Variants in RFC1 observed in about 807,000 individuals in gnomAD.
The protein encoded by RFC1 is A1 140 kDa subunit.
In RFC1, 37 loss-of-function variants were observed where a neutral mutation model predicts 137.4. That is an observed-to-expected ratio of 0.27 (90% CI 0.21 to 0.35). The LOEUF (loss-of-function observed/expected upper bound fraction) is 0.35, where lower values mean the gene tolerates loss of function less well. Ranked by LOEUF, RFC1 falls within the 10% of genes least tolerant of loss-of-function variation. The probability of loss-of-function intolerance (pLI) is 1.00; values close to 1 mark genes in which losing one functional copy is unlikely to be tolerated. For missense variants in RFC1, 1,205 were observed against 1,358.5 expected (o/e 0.89, Z 1.78); for synonymous variants, 429 against 455.7 (o/e 0.94, Z 0.75).
At chr4:39,305,895 CAG>C (rs1240028550) in intron 14 of RFC1, among the ~76,000 whole-genome samples, 6 of 152,040 alleles carry the variant, frequency 3.9e-5, no homozygotes, top group African/African-American at 1.2e-4. Flanking sequence ...ACAGTGGAAA[CAG>C]ATAAAATTTT....
At chr4:39,319,441 A>G (rs890235163) in intron 9 of RFC1, among the ~76,000 whole-genome samples, 1 of 152,222 alleles carries the variant, frequency 6.6e-6, no homozygotes, top group Non-Finnish European at 1.5e-5. Context: ...ATAAAAATAA[A>G]TATCTCACAG....
chr4:39,316,635 A>G (rs1578130964), intron 10 of RFC1, among the ~76,000 whole-genome samples: 2 of 152,192 alleles, frequency 1.3e-5, no homozygotes, highest in South Asian at 2.1e-4. Context: ...TCTTTAGGCT[A>G]TAAGTGCCAT....
At chr4:39,350,318 GA>G (rs1185564025) in intron 2 of RFC1, among the ~76,000 whole-genome samples, 2 of 151,934 alleles carry the variant, frequency 1.3e-5, no homozygotes, top group Admixed American at 6.6e-5. Flanking sequence ...GAATGAGGCA[GA>G]AAAAATATTT....
intron 15 of RFC1, 145 bp from the exon 16 acceptor site, chr4:39,303,296 A>AAT: frequency 1.2e-5 from 7 of 587,640 alleles, no homozygotes; most frequent in East Asian, 5.6e-5. Flanking sequence ...AGTGTTGTTA[A>AAT]AGAAAAAAAA....
At chr4:39,328,886 A>G (rs556805680) in intron 4 of RFC1, among the ~76,000 whole-genome samples, 1 of 152,182 alleles carries the variant, frequency 6.6e-6, no homozygotes, top group African/African-American at 2.4e-5. Flanking sequence ...CTGTGGTGGT[A>G]TTTGCAGAGG....
At chr4:39,322,347 G>A (rs1739560742) in intron 7 of RFC1, 1 of 152,064 alleles carries the variant, frequency 6.6e-6, no homozygotes, top group Non-Finnish European at 1.5e-5. Flanking sequence ...AGTCAAGGTT[G>A]CAGTGAGCTG....
chr4:39,340,700 T>C (rs1740569397), intron 4 of RFC1, among the ~76,000 whole-genome samples: 1 of 152,196 alleles, frequency 6.6e-6, no homozygotes, highest in Non-Finnish European at 1.5e-5. Context: ...CTCATTCTCT[T>C]GTATGAAGGA....
intron 1 of RFC1, among the ~76,000 whole-genome samples, chr4:39,353,608 T>C (rs565887635): frequency 3.7e-4 from 57 of 152,180 alleles, no homozygotes; most frequent in African/African-American, 1.3e-3. Context: ...ACCACAGTCT[T>C]TCCTATAATT....
At chr4:39,305,816 G>A (rs900590902) in intron 14 of RFC1, among the ~76,000 whole-genome samples, 1 of 152,070 alleles carries the variant, frequency 6.6e-6, no homozygotes, top group African/African-American at 2.4e-5. Context: ...GAGAGAAAAA[G>A]AGTTGTGTTC....
chr4:39,305,123 CAT>C (rs1738573495), intron 14 of RFC1, among the ~76,000 whole-genome samples, 195 bp from the exon 15 acceptor site: 1 of 152,156 alleles, frequency 6.6e-6, no homozygotes. Context: ...TTTAGAATAT[CAT>C]ATACATACAT....
At chr4:39,365,045 C>T (rs1741951749) in intron 1 of RFC1, among the ~76,000 whole-genome samples, 1 of 148,976 alleles carries the variant, frequency 6.7e-6, no homozygotes, top group Non-Finnish European at 1.5e-5. Context: ...GTCAGAAACA[C>T]CAAGATTCTA....
intron 14 of RFC1, among the ~76,000 whole-genome samples, chr4:39,305,708 T>A (rs1738606673): frequency 6.6e-6 from 1 of 152,178 alleles, no homozygotes; most frequent in African/African-American, 2.4e-5. Context: ...ATAAACTATT[T>A]TCCTCTGAAA....
intron 11 of RFC1, 64 bp from the exon 12 acceptor site, chr4:39,311,613 A>G: frequency 1.3e-6 from 1 of 777,974 alleles, no homozygotes; most frequent in Admixed American, 3.6e-5. Flanking sequence ...CTTCTCTTAC[A>G]AAAAAAAAAA....
intron 22 of RFC1, among the ~76,000 whole-genome samples, chr4:39,294,870 G>A (rs927747710): frequency 6.6e-6 from 1 of 152,104 alleles, no homozygotes; most frequent in South Asian, 2.1e-4. Context: ...CGGACACGGT[G>A]GCGTGCGCCT....
At chr4:39,309,911 A>G (rs1018360905) in intron 12 of RFC1, among the ~76,000 whole-genome samples, 2 of 152,250 alleles carry the variant, frequency 1.3e-5, no homozygotes, top group Non-Finnish European at 2.9e-5. Flanking sequence ...GGATATAAGC[A>G]TAAGTACCTC....
intron 4 of RFC1, among the ~76,000 whole-genome samples, chr4:39,340,520 A>G (rs1740560902): frequency 6.6e-6 from 1 of 152,216 alleles, no homozygotes; most frequent in African/African-American, 2.4e-5. Flanking sequence ...TTATGACCCA[A>G]TATTGAAAAG....
intron 23 of RFC1, among the ~76,000 whole-genome samples, chr4:39,290,831 T>C (rs1006634908): frequency 4.7e-5 from 7 of 149,262 alleles, no homozygotes; most frequent in African/African-American, 1.5e-4. Flanking sequence ...AAAAAAAGGT[T>C]GGGGGAGCTC....
Position 39,302,846 on chromosome 4 carries a change from T to C in RFC1, c.2231A>G (p.Lys744Arg), listed in dbSNP as rs1280310569. ...ATTGCACATACAAATAATGGGAATT[T>C]TAGTATGTTTTATCAGGCCAATTAA... The part of the protein sequence containing the change: ...QELIGLIKHT[K>R]IPIICMCNDR... The change falls in exon 17 of 25, where the codon AAA (lysine) becomes AGA (arginine). Residue 744 changes from lysine to arginine, a missense_variant. Around this residue, in one of 3 missense-constraint regions of RFC1, gnomAD observed 962 missense variants for 1,035.3 expected, o/e 0.93. Transcript: ENST00000349703. The C allele has an allele frequency of 6.3e-7, 1 of 1,589,846 alleles. No homozygotes were observed. Among genetic ancestry groups the C allele is most frequent in the African/African-American group, 1.4e-5 (1 of 73,520 alleles).
At chr4:39,338,956 T>C (rs1247592519) in intron 4 of RFC1, among the ~76,000 whole-genome samples, 1 of 152,196 alleles carries the variant, frequency 6.6e-6, no homozygotes, top group East Asian at 1.9e-4. Flanking sequence ...GCATTCTCTA[T>C]TGACTTCTTT....
Sources: gnomAD v4.1 joint callset for allele counts (sites outside exome capture counted in the v4.1 genomes callset) on GRCh38, gnomAD v4.1.1 for gene constraint, gnomAD v4.1.1 regional missense constraint, MANE v1.5 for transcripts, NCBI Gene and HGNC (gene_info 2026-07-23, HGNC 2026-07-21) for gene names.